The following DMD variants were observed in gnomAD, a reference collection of about 807,000 sequenced individuals.
DMD encodes mutant dystrophin.
DMD carries 63 observed loss-of-function variants against 330.1 expected under a neutral mutation model. That is an observed-to-expected ratio of 0.19 (90% CI 0.16 to 0.24). The LOEUF (loss-of-function observed/expected upper bound fraction) is 0.24, where lower values mean the gene tolerates loss of function less well. Among genes scored for constraint, DMD ranks in the 10% least tolerant of loss-of-function variants. The pLI is 1.00. For missense variants in DMD, 3,344 were observed against 2,684.1 expected (o/e 1.25, Z -5.43); for synonymous variants, 1,223 against 959.8 (o/e 1.27, Z -5.07).
chrX:31,398,225 T>G (rs1233912198), intron 60 of DMD, among the ~76,000 whole-genome samples: 4 of 112,056 alleles, frequency 3.6e-5, no homozygotes, highest in African/African-American at 1.3e-4. Context: ...GCAGACAGAA[T>G]CTGACAGAAT....
intron 2 of DMD, among the ~76,000 whole-genome samples, chrX:32,993,717 T>G (rs2093040139): frequency 9.0e-6 from 1 of 111,283 alleles, no homozygotes; most frequent in South Asian, 3.8e-4. Flanking sequence ...CATGTGTCTG[T>G]GTGTTTTGGG....
intron 44 of DMD, among the ~76,000 whole-genome samples, chrX:32,013,995 T>G (rs1249390354): frequency 8.9e-6 from 1 of 112,082 alleles, no homozygotes; most frequent in Non-Finnish European, 1.9e-5. Flanking sequence ...CAAGTTCAAT[T>G]TAATGTATAT....
Position 31,608,630 on chromosome X carries a change from T to A in DMD, c.8217+19043A>T, listed in dbSNP as rs773661874. On this transcript the variant is annotated intron_variant, in intron 55 of 78. Transcript: ENST00000357033. ...GGCTTTATGCAACAATCATTTCTTT[T>A]CCTGGATGTGAATGGCTAGTGCAGC... Among the ~76,000 whole-genome samples the A allele has an allele frequency of 5.4e-5, 6 of 112,063 alleles. No individual in the cohort carries two copies. In the South Asian group the frequency reaches 2.2e-3, roughly 42 times the overall value.
At chrX:33,008,820 A>G (rs1421417991) in intron 2 of DMD, among the ~76,000 whole-genome samples, 2 of 56,041 alleles carry the variant, frequency 3.6e-5, no homozygotes, top group African/African-American at 6.6e-5. Flanking sequence ...ATACACATAA[A>G]TGTATACGTA....
upstream of DMD, among the ~76,000 whole-genome samples, chrX:33,213,025 A>G (rs1187936786): frequency 9.0e-6 from 1 of 111,185 alleles, no homozygotes; most frequent in East Asian, 2.9e-4. Flanking sequence ...CAAGGCGTGA[A>G]TACAACTTGT....
intron 1 of DMD, among the ~76,000 whole-genome samples, chrX:33,234,117 A>G (rs2052436200): frequency 8.9e-6 from 1 of 111,862 alleles, no homozygotes; most frequent in South Asian, 3.7e-4. Flanking sequence ...CAGAGTTCCC[A>G]GGACGCAGGA....
chrX:31,755,317 CT>C lies in DMD; in HGVS notation c.7542+18642del, dbSNP rs759794824. ...TATAGTAAGTTATGGAACCTGTATTCTTTGGAATGGTGCCCAAGATTTAATG... is the reference window on the plus strand; with the variant it reads ...TATAGTAAGTTATGGAACCTGTATTCTTGGAATGGTGCCCAAGATTTAATG... On this transcript the variant is annotated intron_variant, in intron 51 of 78. Coordinates refer to ENST00000357033, the MANE Select transcript of DMD (RefSeq NM_004006.3). 2.8e-4 allele frequency among the ~76,000 whole-genome samples: 31 copies of C among 112,140 alleles called. 1 individual carries two copies. The highest frequency in any genetic ancestry group is 9.7e-4 in the African/African-American group (30 of 30,934).
At chrX:31,227,919 A>G (rs1273294808) in intron 63 of DMD, among the ~76,000 whole-genome samples, 1 of 109,947 alleles carries the variant, frequency 9.1e-6, no homozygotes, top group Non-Finnish European at 1.9e-5. Flanking sequence ...ATGGAATACT[A>G]TGCAGCCATA....
At position 32,836,677 on chromosome X, in the gene DMD, T is replaced by C. The variant is rs911280836; in HGVS notation, c.264+8106A>G. ...CTCTCAGTACAGCCTGAGCCATTTC[T>C]CATGGGTTTTCATATGGAATGCTTT... On this transcript the variant is annotated intron_variant, in intron 4 of 78. Transcript: ENST00000357033. Among the ~76,000 whole-genome samples, 4 of 111,782 alleles carry C rather than the reference T, an allele frequency of 3.6e-5. No individual in the cohort carries two copies. In the Admixed American group the frequency reaches 3.8e-4, roughly 11 times the overall value.
At chrX:31,917,649 A>G (rs775105987) in intron 47 of DMD, among the ~76,000 whole-genome samples, 1 of 112,709 alleles carries the variant, frequency 8.9e-6, no homozygotes, top group African/African-American at 3.2e-5. Flanking sequence ...TAGAGCATCA[A>G]TTATTGTCAC....
At chrX:31,875,805 A>G (rs2093958855) in intron 47 of DMD, among the ~76,000 whole-genome samples, 1 of 112,734 alleles carries the variant, frequency 8.9e-6, no homozygotes, top group African/African-American at 3.2e-5. Context: ...CACCAGATAT[A>G]TAACACAGGT....
chrX:32,912,201 G>A (rs2087330251), intron 2 of DMD, among the ~76,000 whole-genome samples: 1 of 110,761 alleles, frequency 9.0e-6, no homozygotes, highest in Non-Finnish European at 1.9e-5. Flanking sequence ...GGTTGGAGGG[G>A]GGACATCAAA....
chrX:32,008,560 C>T (rs1254313800), intron 44 of DMD, among the ~76,000 whole-genome samples: 3 of 111,603 alleles, frequency 2.7e-5, no homozygotes, highest in South Asian at 3.7e-4. Flanking sequence ...AAAGACCTAA[C>T]GGTGTGGTTG....
At chrX:32,479,413 T>C (rs1385683243) in intron 21 of DMD, among the ~76,000 whole-genome samples, 1 of 111,304 alleles carries the variant, frequency 9.0e-6, no homozygotes, top group East Asian at 2.8e-4. Flanking sequence ...TATCATTTGA[T>C]CAACACCTTC....
At chrX:32,183,586 A>ATATATATG (rs1557196749) in intron 44 of DMD, among the ~76,000 whole-genome samples, 74 of 99,032 alleles carry the variant, frequency 7.5e-4, no homozygotes, top group Admixed American at 1.3e-3. Context: ...ATATATATAT[A>ATATATATG]TATGTATGTA....
chrX:31,250,080 A>G (rs1238497191), intron 63 of DMD, among the ~76,000 whole-genome samples: 1 of 110,797 alleles, frequency 9.0e-6, no homozygotes, highest in African/African-American at 3.3e-5. Context: ...TGTTGCTGCA[A>G]AACATTGCCT....
At chrX:32,641,719 G>A (rs1461373599) in intron 11 of DMD, among the ~76,000 whole-genome samples, 1 of 110,691 alleles carries the variant, frequency 9.0e-6, no homozygotes, top group Admixed American at 9.7e-5. Flanking sequence ...CTAGACAAAT[G>A]TTAATTATCA....
chrX:31,673,324 C>T (rs758927958), intron 53 of DMD, among the ~76,000 whole-genome samples: 53 of 112,143 alleles, frequency 4.7e-4, no homozygotes, highest in East Asian at 1.4e-3. Flanking sequence ...TCAGAAAAGG[C>T]GATGTGGGGC....
chrX:33,036,809 GTA>G (rs150933084), intron 1 of DMD, among the ~76,000 whole-genome samples: 4 of 105,828 alleles, frequency 3.8e-5, no homozygotes, highest in African/African-American at 6.8e-5. Flanking sequence ...GCATGTGTGT[GTA>G]TATATATATA....
Sources: allele counts gnomAD v4.1 joint callset (sites outside exome capture counted in the v4.1 genomes callset), GRCh38; gene constraint gnomAD v4.1.1; transcripts MANE v1.5; gene names NCBI Gene and HGNC (gene_info 2026-07-23, HGNC 2026-07-21).